The following PTPRZ1 variants were observed in gnomAD, a reference collection of about 807,000 sequenced individuals.
The protein encoded by PTPRZ1 is receptor-type tyrosine-protein phosphatase zeta.
PTPRZ1 carries 82 observed loss-of-function variants against 214.1 expected under a neutral mutation model. The observed-to-expected ratio is 0.38, with a 90% CI of 0.32 to 0.46. The LOEUF (loss-of-function observed/expected upper bound fraction) is 0.46. Among genes scored for constraint, PTPRZ1 ranks in the 20% least tolerant of loss-of-function variants. The probability of loss-of-function intolerance (pLI) is 1.00; values close to 1 mark genes in which losing one functional copy is unlikely to be tolerated. For missense variants in PTPRZ1, 2,603 were observed against 2,748.7 expected (o/e 0.95, Z 1.19); for synonymous variants, 945 against 987.9 (o/e 0.96, Z 0.81).
intron 12 of PTPRZ1, among the ~76,000 whole-genome samples, chr7:122,015,578 C>T (rs951537467): frequency 2.0e-5 from 3 of 151,888 alleles, no homozygotes; most frequent in Admixed American, 6.6e-5. Flanking sequence ...TATCTGTTCT[C>T]AATTATAGTA....
rs1798699552 is a variant in PTPRZ1, at chr7:122,012,400, T to C, written c.3354T>C (p.Val1118=). 1.9e-6 allele frequency: 3 copies of C among 1,614,014 alleles called. No individual in the cohort carries two copies. The highest frequency in any genetic ancestry group is 2.5e-6 in the Non-Finnish European group (3 of 1,179,926). ...TTTTTGATCATGAGATTAGTCAAGT[T>C]CCAGAAAATAACTTTTCAGTTCAAC... ...TKVFDHEISQ[V]PENNFSVQPT... Residue 1118 remains valine (V), a synonymous_variant, in exon 12 of 30, where the codon GTT becomes GTC. Coordinates refer to ENST00000393386, the MANE Select transcript of PTPRZ1 (RefSeq NM_002851.3).
chr7:121,873,401 A>G lies in PTPRZ1; in HGVS notation c.-99A>G, dbSNP rs1793942972. On this transcript the variant is annotated 5_prime_UTR_variant, in exon 1 of 30. Transcript: ENST00000393386. ...ACTTCGATCTATACACTGGAGGATT[A>G]AAACAAACAAACAAAAAAAACATTT... The G allele has an allele frequency of 8.0e-7, 1 of 1,248,150 alleles. No homozygotes were observed. Among genetic ancestry groups the G allele is most frequent in the Admixed American group, 2.0e-5 (1 of 49,916 alleles). The allele number at this position is 1,248,150 out of a possible 1,614,324, so 77.3% of individuals were successfully genotyped here.
At chr7:121,893,805 A>G (rs1290334912) in intron 1 of PTPRZ1, among the ~76,000 whole-genome samples, 5 of 152,170 alleles carry the variant, frequency 3.3e-5, no homozygotes, top group Non-Finnish European at 7.4e-5. Flanking sequence ...ATGATAGCCA[A>G]GATTTCCTAA....
chr7:122,016,215 G>C (rs957996767), intron 12 of PTPRZ1, among the ~76,000 whole-genome samples: 1 of 151,920 alleles, frequency 6.6e-6, no homozygotes, highest in Admixed American at 6.6e-5. Flanking sequence ...ATGCTTTCAT[G>C]TTAGGGGCCA....
chr7:121,912,847 C>T (rs1342408159), intron 1 of PTPRZ1, among the ~76,000 whole-genome samples: 1 of 151,964 alleles, frequency 6.6e-6, no homozygotes, highest in Non-Finnish European at 1.5e-5. Context: ...TCAGTCTGCT[C>T]CTGATCATAA....
chr7:121,920,049 C>A (rs1483034734), intron 1 of PTPRZ1, among the ~76,000 whole-genome samples: 1 of 152,028 alleles, frequency 6.6e-6, no homozygotes, highest in East Asian at 1.9e-4. Context: ...CATTTATTCA[C>A]ATTTTCTTTT....
intron 1 of PTPRZ1, among the ~76,000 whole-genome samples, chr7:121,878,135 A>G (rs1794118708): frequency 6.6e-6 from 1 of 152,180 alleles, no homozygotes; most frequent in Non-Finnish European, 1.5e-5. Flanking sequence ...ATATAGCACA[A>G]TCTTAAAACA....
At chr7:121,976,910 T>G (rs1584703105) in intron 6 of PTPRZ1, 59 bp downstream of exon 6, 1 of 1,436,600 alleles carries the variant, frequency 7.0e-7, no homozygotes, top group Non-Finnish European at 9.7e-7. Flanking sequence ...ATAAGAATGT[T>G]GACAATACGA....
chr7:122,045,838 G>C (rs779850281), intron 23 of PTPRZ1, among the ~76,000 whole-genome samples: 6 of 151,972 alleles, frequency 3.9e-5, no homozygotes, highest in Non-Finnish European at 8.8e-5. Flanking sequence ...TATAAGGTCA[G>C]AATTCAATTG....
chr7:121,964,449 G>C (rs1431625152), intron 2 of PTPRZ1, among the ~76,000 whole-genome samples: 1 of 152,140 alleles, frequency 6.6e-6, no homozygotes, highest in Non-Finnish European at 1.5e-5. Context: ...CTAACTCACT[G>C]TCATGAGTAC....
chr7:122,052,126 G>A (rs1418376292), intron 25 of PTPRZ1, among the ~76,000 whole-genome samples, 187 bp downstream of exon 25: 2 of 152,136 alleles, frequency 1.3e-5, no homozygotes, highest in Non-Finnish European at 2.9e-5. Flanking sequence ...TGTGTGCTGG[G>A]ACTGAAGAAA....
chr7:121,980,669 C>G (rs1797578030), intron 6 of PTPRZ1, among the ~76,000 whole-genome samples: 1 of 152,182 alleles, frequency 6.6e-6, no homozygotes, highest in African/African-American at 2.4e-5. Context: ...TAACAGTACT[C>G]CTTTTCCCTT....
chr7:121,966,839 T>G (rs1797059875), intron 2 of PTPRZ1: 1 of 152,198 alleles, frequency 6.6e-6, no homozygotes, highest in South Asian at 2.1e-4. Flanking sequence ...TAGACTAGGA[T>G]TTTATCAAAG....
At position 122,055,014 on chromosome 7, in the gene PTPRZ1, T is replaced by C. The variant is rs1213030294; in HGVS notation, c.6455T>C (p.Met2152Thr). The C allele has an allele frequency of 3.1e-6, 5 of 1,606,080 alleles. No individual in the cohort carries two copies. In the South Asian group the frequency reaches 5.5e-5, roughly 18 times the overall value. ...INCESFKVTL[M>T]AEEHKCLSNE... is the part of the protein sequence containing the mutation. ...TGTGAGAGCTTTAAGGTCACTCTTA[T>C]GGCTGAAGAACACAAATGTCTATCT... The change falls in exon 27 of 30, where the codon ATG becomes ACG. Residue 2152 changes from methionine (M) to threonine (T), a missense_variant. By Grantham distance (81) the Met-to-Thr change is moderately conservative (BLOSUM62 -1). Around this residue, in one of 6 missense-constraint regions of PTPRZ1, gnomAD observed 134 missense variants for 183.3 expected, o/e 0.73. Transcript: ENST00000393386.
chr7:121,956,465 G>T (rs1796709318), intron 2 of PTPRZ1, among the ~76,000 whole-genome samples: 1 of 152,128 alleles, frequency 6.6e-6, no homozygotes, highest in Non-Finnish European at 1.5e-5. Context: ...TTTGAGTGAG[G>T]GTTGACATTT....
intron 2 of PTPRZ1, among the ~76,000 whole-genome samples, chr7:121,957,482 A>G (rs1796744858): frequency 6.6e-6 from 1 of 152,002 alleles, no homozygotes; most frequent in Non-Finnish European, 1.5e-5. Flanking sequence ...ACATCAGGAG[A>G]GCCCTCAGTG....
At chr7:121,935,633 C>G (rs1796064965) in intron 2 of PTPRZ1, among the ~76,000 whole-genome samples, 1 of 152,028 alleles carries the variant, frequency 6.6e-6, no homozygotes, top group Admixed American at 6.6e-5. Context: ...GGCGCAATCT[C>G]GGCTTGCTGC....
chr7:121,978,885 G>A (rs1174273003), intron 6 of PTPRZ1, among the ~76,000 whole-genome samples: 2 of 151,980 alleles, frequency 1.3e-5, no homozygotes, highest in African/African-American at 4.8e-5. Context: ...ATTAAATCCA[G>A]TCTATTTCTG....
At chr7:121,924,839 A>C (rs1795709460) in intron 1 of PTPRZ1, among the ~76,000 whole-genome samples, 1 of 152,234 alleles carries the variant, frequency 6.6e-6, no homozygotes, top group African/African-American at 2.4e-5. Context: ...TGGCCAGTGC[A>C]GTTTCAGAGA....
Sources: allele counts gnomAD v4.1 joint callset (sites outside exome capture counted in the v4.1 genomes callset), GRCh38; gene constraint gnomAD v4.1.1; regional missense constraint gnomAD v4.1.1; transcripts MANE v1.5; gene names NCBI Gene and HGNC (gene_info 2026-07-23, HGNC 2026-07-21).